MCAM: variants seen among roughly 807,000 people sequenced by gnomAD.
MCAM encodes the protein melanoma cell adhesion molecule, also known as cell surface glycoprotein MUC18.
Under a neutral mutation model 79.1 loss-of-function variants are expected in MCAM, and 55 were observed. The ratio of observed to expected loss-of-function variants is 0.70; its 90% CI spans 0.56 to 0.87. MCAM has a LOEUF of 0.87. Ranked by LOEUF, MCAM falls within the 40% of genes least tolerant of loss-of-function variation. MCAM has a pLI of 0.00. For missense variants in MCAM, 745 were observed against 839.8 expected, an observed-to-expected ratio of 0.89 and a Z score of 1.40; for synonymous variants, 330 against 339.8, an observed-to-expected ratio of 0.97 and a Z score of 0.32.
chr11:119,315,195 G>A lies in MCAM; in HGVS notation c.136C>T (p.Leu46=). The A allele has an allele frequency of 6.2e-7, 1 of 1,613,216 alleles. No individual in the cohort carries two copies. The highest frequency in any genetic ancestry group is 8.5e-7 in the Non-Finnish European group (1 of 1,179,986). The change falls in exon 2 of 16, where the codon CTG becomes TTG. Residue 46 remains leucine, a synonymous_variant. Coordinates refer to ENST00000264036, the MANE Select transcript of MCAM (RefSeq NM_006500.3). This position sits in a 1 kb window ranked among gnomAD's most constrained non-coding sequence, Gnocchi z 4.4. The part of the protein sequence containing the change: ...VEVEVGSTAL[L]KCGLSQSQGN... ...TGGGACTGGGAGAGGCCGCACTTCA[G>A]AAGGGCTGTGCTGCCCACTTCCACC... is the stretch of plus-strand genomic sequence containing the variant.
In MCAM at chr11:119,311,463, T is replaced by G; in HGVS notation, c.1408-42A>C. 1 of 1,613,354 alleles carries G rather than the reference T, an allele frequency of 6.2e-7. No individual in the cohort carries two copies. The highest frequency in any genetic ancestry group is 8.5e-7 in the Non-Finnish European group (1 of 1,179,446). On this transcript the variant is annotated intron_variant, in intron 11 of 15. Transcript: ENST00000264036. The surrounding 1 kb of genome is among the most constrained non-coding windows in gnomAD (Gnocchi z 4.4). ...GAGGCAGCTCAGGGGATGGGGAGGA[T>G]CTCTGGTCCTGGCCACAAAGCGCAG...
intron 5 of MCAM, chr11:119,314,040 C>G (rs1173667821): frequency 1.0e-6 from 1 of 981,526 alleles, no homozygotes; most frequent in Non-Finnish European, 1.2e-6. Context: ...CAAGAAGAAA[C>G]TTCTAGATTT....
Position 119,316,965 on chromosome 11 carries a change from G to T in MCAM, c.67+70C>A. On this transcript the variant is annotated intron_variant, in intron 1 of 15. Transcript: ENST00000264036. This position sits in a 1 kb window ranked among gnomAD's most constrained non-coding sequence, Gnocchi z 4.8. ...AACGCCCCGACCCCGCCGCGCCGCT[G>T]GCTCTGCTCCCTGGCACGCTCCACC... The T allele has an allele frequency of 7.3e-7, 1 of 1,363,490 alleles. No homozygotes were observed. The highest frequency in any genetic ancestry group is 1.5e-5 in the African/African-American group (1 of 66,102). 84.5% of individuals were successfully genotyped at this position (1,363,490 alleles called of 1,614,324 possible). A position where few individuals can be genotyped will look rare whatever the true frequency, so the allele number is the denominator to read the frequency against.
intron 14 of MCAM, 90 bp downstream of exon 14, chr11:119,310,666 C>T: frequency 1.4e-6 from 2 of 1,438,224 alleles, no homozygotes; most frequent in Non-Finnish European, 1.9e-6. Flanking sequence ...CAGGGCCCCA[C>T]TCCTGCTGTC....
intron 5 of MCAM, chr11:119,313,257 T>G: frequency 7.2e-7 from 1 of 1,382,036 alleles, no homozygotes; most frequent in East Asian, 3.9e-5. Context: ...CTGCTATGCG[T>G]AGTATGGAAA....
chr11:119,309,602 T>G lies in MCAM; in HGVS notation c.*284A>C, dbSNP rs1211106723. 23 of 512,322 alleles carry G rather than the reference T, an allele frequency of 4.5e-5. No individual in the cohort carries two copies. The highest frequency in any genetic ancestry group is 5.3e-4 in the Middle Eastern group (1 of 1,902). 31.7% of individuals were successfully genotyped at this position (512,322 alleles called of 1,614,324 possible). ...ATAATGTGTGTAAAGAAAAAACACG[T>G]TCTGCAAGAAACTCTCCTACCCGCT... On this transcript the variant is annotated 3_prime_UTR_variant, in exon 16 of 16. Coordinates refer to ENST00000264036, the MANE Select transcript of MCAM (RefSeq NM_006500.3).
chr11:119,313,541 A>T (rs1950265806), intron 5 of MCAM: 1 of 331,018 alleles, frequency 3.0e-6, no homozygotes, highest in Non-Finnish European at 5.8e-6. Flanking sequence ...AGCTGGGATT[A>T]CAGACATGCG....
At position 119,312,762 on chromosome 11, in the gene MCAM, G is replaced by A; in HGVS notation, c.739+8C>T. 6.2e-7 allele frequency: 1 copy of A among 1,613,900 alleles called. No individual in the cohort carries two copies. Among genetic ancestry groups the A allele is most frequent in the Non-Finnish European group, 8.5e-7 (1 of 1,179,896 alleles). ...CCCCAGTAAGCAGAGAGTCAGGTTAGTACTCACAGAAAACAGGGACGGTGA... is the reference window on the plus strand; with the variant it reads ...CCCCAGTAAGCAGAGAGTCAGGTTAATACTCACAGAAAACAGGGACGGTGA... On this transcript the variant is annotated splice_region_variant and intron_variant, in intron 6 of 15. Coordinates refer to ENST00000264036, the MANE Select transcript of MCAM (RefSeq NM_006500.3). The surrounding 1 kb of genome is among the most constrained non-coding windows in gnomAD (Gnocchi z 4.9).
At chr11:119,310,552 G>A in intron 14 of MCAM, 86 bp from the exon 15 acceptor site, 1 of 1,112,430 alleles carries the variant, frequency 9.0e-7, no homozygotes, top group Admixed American at 1.7e-5. Flanking sequence ...GAATGGATGA[G>A]GGCTCCTTGC....
chr11:119,311,147 TG>T lies in MCAM; in HGVS notation c.1587del (p.Thr530LeufsTer36). ...CTGGCAGTGGAAGTGCTGAGGCCAGTGGTTGTGTTGGAGTCTGGTGTGAGGG... is the reference window on the plus strand; with the variant it reads ...CTGGCAGTGGAAGTGCTGAGGCCAGTGTTGTGTTGGAGTCTGGTGTGAGGG... The part of the protein sequence containing the change: ...LTTLTPDSNT[T>X]TGLSTSTASP... On this transcript the variant is annotated frameshift_variant, in exon 13 of 16. Transcript: ENST00000264036. LOFTEE classifies it high-confidence loss of function. This position sits in a 1 kb window ranked among gnomAD's most constrained non-coding sequence, Gnocchi z 4.4. 6.2e-7 allele frequency: 1 copy of T among 1,614,076 alleles called. No homozygotes were observed. Among genetic ancestry groups the T allele is most frequent in the Non-Finnish European group, 8.5e-7 (1 of 1,179,990 alleles).
chr11:119,309,455 G>C lies in MCAM; in HGVS notation c.*431C>G, dbSNP rs1200527352. On this transcript the variant is annotated 3_prime_UTR_variant, in exon 16 of 16. Transcript: ENST00000264036. Reference sequence around the variant, plus strand: ...CGCACTTCAACATGAGCAGGCGCCTGGCTCCGGTGTGTCCTCACTTCAGTG... The same window carrying C: ...CGCACTTCAACATGAGCAGGCGCCTCGCTCCGGTGTGTCCTCACTTCAGTG... 2 of 199,736 alleles carry C rather than the reference G, an allele frequency of 1.0e-5. No homozygotes were observed. The highest frequency in any genetic ancestry group is 2.1e-5 in the Non-Finnish European group (2 of 96,692). 12.4% of individuals were successfully genotyped at this position (199,736 alleles called of 1,614,324 possible). A position where few individuals can be genotyped will look rare whatever the true frequency, so the allele number is the denominator to read the frequency against.
Position 119,311,281 on chromosome 11 carries a change from C to T in MCAM, c.1548G>A (p.Leu516=), listed in dbSNP as rs1950230045. The change falls in exon 12 of 16, where the codon CTG becomes CTA. Residue 516 remains leucine (L), a splice_region_variant and synonymous_variant. Coordinates refer to ENST00000264036, the MANE Select transcript of MCAM (RefSeq NM_006500.3). The surrounding 1 kb of genome is among the most constrained non-coding windows in gnomAD (Gnocchi z 4.4). ...CCCCTGCAGGGATGCAGCCCTCACC[C>T]AGCTCCAGGAAGAGGATGCTGGTGT... ...GKNTSILFLE[L]VNLTTLTPDS... The T allele has an allele frequency of 2.5e-6, 4 of 1,614,164 alleles. No homozygotes were observed. The highest frequency in any genetic ancestry group is 3.4e-6 in the Non-Finnish European group (4 of 1,179,996).
rs759602568 is a variant in MCAM, at chr11:119,315,295, T to G, written c.68-32A>C. The stretch of plus-strand genomic sequence containing the variant: ...GAGGGAGGCGGGGCCCCCGCAGCTG[T>G]GTCAGCTCCGGCTGCTGTCCGCCCC... On this transcript the variant is annotated intron_variant, in intron 1 of 15. Transcript: ENST00000264036. This position sits in a 1 kb window ranked among gnomAD's most constrained non-coding sequence, Gnocchi z 4.4. 6.3e-7 allele frequency: 1 copy of G among 1,592,360 alleles called. No individual in the cohort carries two copies. The highest frequency in any genetic ancestry group is 2.2e-4 in the Middle Eastern group (1 of 4,596).
chr11:119,310,192 C>T, intron 15 of MCAM, 157 bp downstream of exon 15: 2 of 669,674 alleles, frequency 3.0e-6, no homozygotes, highest in South Asian at 1.8e-5. Flanking sequence ...CAGCCACTTG[C>T]TTGGCCCTGC....
At position 119,314,983 on chromosome 11, in the gene MCAM, C is replaced by G. The variant is rs754893633; in HGVS notation, c.250G>C (p.Glu84Gln). The change falls in exon 3 of 16, where the codon GAA becomes CAA. Residue 84 changes from glutamate (E) to glutamine (Q), a missense_variant. By Grantham distance (29) the Glu-to-Gln change is conservative (BLOSUM62 2). Coordinates refer to ENST00000264036, the MANE Select transcript of MCAM (RefSeq NM_006500.3). ...AGCCGCTGCTCGTACTCCCCAGGTT[C>G]GCTCTGGCCCTGGCCCTGGCGCACA... Reference protein sequence around the residue: ...FRVRQGQGQSEPGEYEQRLSL... With the variant: ...FRVRQGQGQSQPGEYEQRLSL... 3.1e-6 allele frequency: 5 copies of G among 1,610,908 alleles called. No individual in the cohort carries two copies. Among genetic ancestry groups the G allele is most frequent in the Non-Finnish European group, 4.2e-6 (5 of 1,180,004 alleles).
At chr11:119,310,258 A>G in intron 15 of MCAM, 91 bp downstream of exon 15, 1 of 884,106 alleles carries the variant, frequency 1.1e-6, no homozygotes, top group Non-Finnish European at 1.9e-6. Flanking sequence ...TCTCTGACAA[A>G]GAGGGATGAA....
chr11:119,311,005 C>G lies in MCAM; in HGVS notation c.1645+85G>C. ...GCCGACAAGATGGGGCTGCTACTCA[C>G]CTTTCTGGACAGGGCTCTCTGGGGA... On this transcript the variant is annotated intron_variant, in intron 13 of 15. Coordinates refer to ENST00000264036, the MANE Select transcript of MCAM (RefSeq NM_006500.3). The surrounding 1 kb of genome is among the most constrained non-coding windows in gnomAD (Gnocchi z 4.4). The G allele has an allele frequency of 6.2e-7, 1 of 1,613,922 alleles. No individual in the cohort carries two copies. The highest frequency in any genetic ancestry group is 2.2e-5 in the East Asian group (1 of 44,878).
intron 15 of MCAM, 192 bp downstream of exon 15, chr11:119,310,153 GTCTT>G (rs1453982784): frequency 1.6e-6 from 1 of 624,756 alleles, no homozygotes; most frequent in African/African-American, 1.8e-5. Flanking sequence ...ATGGGACAGG[GTCTT>G]TCTCAGTCTT....
chr11:119,314,231 C>G (rs1306008221), intron 5 of MCAM: 1 of 497,378 alleles, frequency 2.0e-6, no homozygotes, highest in Non-Finnish European at 3.6e-6. Context: ...TCCTAGCTCA[C>G]TGCAGCCTTC....
Sources: gnomAD v4.1 joint callset for allele counts on GRCh38, gnomAD v4.1.1 for gene constraint, Gnocchi (gnomAD v3.1) non-coding constraint, MANE v1.5 for transcripts, NCBI Gene and HGNC (gene_info 2026-07-23, HGNC 2026-07-21) for gene names.